Variants in GRM7 observed in about 807,000 individuals in gnomAD.
GRM7 encodes glutamate metabotropic receptor 7.
In GRM7, 35 loss-of-function variants were observed where a neutral mutation model predicts 84.5. The observed-to-expected ratio is 0.41, with a 90% confidence interval of 0.32 to 0.55. The LOEUF is 0.55. Ranked by LOEUF, GRM7 falls within the 20% of genes least tolerant of loss-of-function variation. GRM7 has a pLI of 0.19. For missense variants in GRM7, 1,003 were observed against 1,194.6 expected (o/e 0.84, Z 2.36); for synonymous variants, 487 against 455.1 (o/e 1.07, Z -0.89).
At chr3:7,153,128 T>C (rs1174221450) in intron 2 of GRM7, among the ~76,000 whole-genome samples, 1 of 137,126 alleles carries the variant, frequency 7.3e-6, no homozygotes, top group Non-Finnish European at 1.5e-5. Flanking sequence ...AGCTTGGTAC[T>C]GTGGATTTTT....
chr3:7,660,508 CTAAA>C (rs1699394974), intron 8 of GRM7, among the ~76,000 whole-genome samples: 1 of 151,954 alleles, frequency 6.6e-6, no homozygotes, highest in Non-Finnish European at 1.5e-5. Flanking sequence ...TAAAGTAGAC[CTAAA>C]TAAATAGAGA....
At chr3:7,584,437 C>T (rs1373833209) in intron 8 of GRM7, among the ~76,000 whole-genome samples, 1 of 152,162 alleles carries the variant, frequency 6.6e-6, no homozygotes, top group Non-Finnish European at 1.5e-5. Context: ...TGCCACCACC[C>T]TCTCATTTTG....
intron 1 of GRM7, among the ~76,000 whole-genome samples, chr3:6,992,019 C>A (rs1039134303): frequency 2.0e-5 from 3 of 150,246 alleles, no homozygotes; most frequent in Admixed American, 1.3e-4. Context: ...ACAGAGAAGT[C>A]ACGTAAGGAC....
chr3:7,366,712 A>T (rs753986131), intron 4 of GRM7, among the ~76,000 whole-genome samples: 20 of 151,900 alleles, frequency 1.3e-4, no homozygotes, highest in Non-Finnish European at 2.4e-4. Flanking sequence ...GAAAGAAGAG[A>T]TTGAGAAAAC....
At chr3:7,523,551 T>A (rs765613902) in intron 7 of GRM7, among the ~76,000 whole-genome samples, 4 of 152,142 alleles carry the variant, frequency 2.6e-5, no homozygotes, top group Non-Finnish European at 4.4e-5. Context: ...AGCACTTAAA[T>A]AATAAATGTG....
chr3:7,347,726 T>C (rs1302283574), intron 4 of GRM7, among the ~76,000 whole-genome samples: 1 of 152,172 alleles, frequency 6.6e-6, no homozygotes, highest in Non-Finnish European at 1.5e-5. Context: ...TCATTATTCT[T>C]TCCATGTTCA....
At chr3:7,724,256 A>G (rs1056355642) in intron 9 of GRM7, among the ~76,000 whole-genome samples, 12 of 152,202 alleles carry the variant, frequency 7.9e-5, no homozygotes, top group Non-Finnish European at 1.3e-4. Context: ...GGCCCATGCC[A>G]CAGATGCCCT....
At chr3:7,285,439 C>T (rs1471155518) in intron 2 of GRM7, among the ~76,000 whole-genome samples, 1 of 152,090 alleles carries the variant, frequency 6.6e-6, no homozygotes, top group Non-Finnish European at 1.5e-5. Flanking sequence ...GAATGAAGAT[C>T]ATACATGACA....
rs151338920 is a variant in GRM7, at chr3:7,128,838, G to A, written c.520-17614G>A. ...TTCTTAATTGCCCAAACTGGAGCAG[G>A]TTAAGGGAGCTATCTTTCCAATCCA... On this transcript the variant is annotated intron_variant, in intron 1 of 9. Coordinates refer to ENST00000357716, the MANE Select transcript of GRM7 (RefSeq NM_000844.4). Among the ~76,000 whole-genome samples, 199 of 152,076 alleles carry A rather than the reference G, an allele frequency of 1.3e-3. 2 individuals carry two copies. The highest frequency in any genetic ancestry group is 4.7e-3 in the African/African-American group (195 of 41,470).
chr3:7,287,642 AT>A (rs1007806468), intron 2 of GRM7, among the ~76,000 whole-genome samples: 4 of 152,108 alleles, frequency 2.6e-5, no homozygotes, highest in Admixed American at 2.0e-4. Flanking sequence ...AGAGTGACAC[AT>A]TTTTTTAAGC....
intron 1 of GRM7, among the ~76,000 whole-genome samples, chr3:6,977,264 T>G (rs927054820): frequency 6.6e-6 from 1 of 152,120 alleles, no homozygotes; most frequent in African/African-American, 2.4e-5. Flanking sequence ...CGAGAGTGCT[T>G]TCAGTGTACA....
At chr3:6,948,352 T>A (rs188524633) in intron 1 of GRM7, among the ~76,000 whole-genome samples, 2 of 152,254 alleles carry the variant, frequency 1.3e-5, no homozygotes, top group Non-Finnish European at 2.9e-5. Context: ...AGTTCCCATG[T>A]AGCTGAGCGG....
At chr3:6,865,093 A>G (rs952856359) in intron 1 of GRM7, among the ~76,000 whole-genome samples, 7 of 152,364 alleles carry the variant, frequency 4.6e-5, no homozygotes, top group African/African-American at 1.7e-4. Flanking sequence ...TCTGCCAACT[A>G]GAATTAAATC....
intron 1 of GRM7, among the ~76,000 whole-genome samples, chr3:7,043,852 C>G (rs992374565): frequency 1.3e-5 from 2 of 152,198 alleles, no homozygotes; most frequent in African/African-American, 4.8e-5. Flanking sequence ...ACCCAGCACC[C>G]TGCTCCGCCT....
At chr3:7,299,018 G>A (rs1308103456) in intron 3 of GRM7, among the ~76,000 whole-genome samples, 193 bp downstream of exon 3, 2 of 151,898 alleles carry the variant, frequency 1.3e-5, no homozygotes, top group African/African-American at 4.8e-5. Context: ...CCCTCTGTTA[G>A]CAAAATAAAT....
At chr3:7,614,688 A>AT (rs1200153722) in intron 8 of GRM7, among the ~76,000 whole-genome samples, 2 of 152,080 alleles carry the variant, frequency 1.3e-5, no homozygotes, top group Admixed American at 6.6e-5. Context: ...CTGTTAGACA[A>AT]TTTTTTTAGT....
chr3:7,243,029 A>T (rs926402516), intron 2 of GRM7, among the ~76,000 whole-genome samples: 1 of 152,176 alleles, frequency 6.6e-6, no homozygotes, highest in African/African-American at 2.4e-5. Flanking sequence ...GGTGTGCTGA[A>T]GGCAATGCTT....
chr3:7,724,221 G>T (rs926669266), intron 9 of GRM7, among the ~76,000 whole-genome samples: 9 of 152,154 alleles, frequency 5.9e-5, no homozygotes, highest in Non-Finnish European at 1.5e-5. Flanking sequence ...AAGCAACAAT[G>T]AAGCAAGGAC....
chr3:7,373,780 C>T (rs532816004), intron 4 of GRM7, among the ~76,000 whole-genome samples: 251 of 152,208 alleles, frequency 1.6e-3, no homozygotes, highest in African/African-American at 5.6e-3. Flanking sequence ...CTGAAGTAGT[C>T]TGTTCAACAG....
Sources: allele counts gnomAD v4.1 joint callset (sites outside exome capture counted in the v4.1 genomes callset), GRCh38; gene constraint gnomAD v4.1.1; transcripts MANE v1.5; gene names NCBI Gene and HGNC (gene_info 2026-07-23, HGNC 2026-07-21).